AMOT: variants seen among roughly 807,000 people sequenced by gnomAD.
AMOT encodes the protein angiomotin.
Under a neutral mutation model 67.0 loss-of-function variants are expected in AMOT, and 11 were observed. That is an observed-to-expected ratio of 0.16 (90% CI 0.10 to 0.27). The LOEUF is 0.27. AMOT is among the 10% of genes least tolerant of loss of function. The probability of loss-of-function intolerance (pLI) is 1.00; values close to 1 mark genes in which losing one functional copy is unlikely to be tolerated. For missense variants in AMOT, 753 were observed against 852.0 expected, an observed-to-expected ratio of 0.88 and a Z score of 1.45; for synonymous variants, 326 against 321.4, an observed-to-expected ratio of 1.01 and a Z score of -0.15.
intron 10 of AMOT, among the ~76,000 whole-genome samples, chrX:112,785,463 G>A (rs1284869711): frequency 8.9e-6 from 1 of 111,848 alleles, no homozygotes; most frequent in Non-Finnish European, 1.9e-5. Context: ...GAAGTTCCTG[G>A]GAGGCTGGAG....
At position 112,793,181 on chromosome X, in the gene AMOT, G is replaced by A. The variant is rs1443445403; in HGVS notation, c.1777-1200C>T. 4.5e-5 allele frequency among the ~76,000 whole-genome samples: 5 copies of A among 110,605 alleles called. No individual in the cohort carries two copies. In the Admixed American group the frequency reaches 4.8e-4, roughly 11 times the overall value. On this transcript the variant is annotated intron_variant, in intron 8 of 13. Transcript: ENST00000371959. ...TCACATCTGTCATTATTCTTCTGAT[G>A]GAAGTTGATGTTAGGGATCAACATC...
intron 1 of AMOT, among the ~76,000 whole-genome samples, chrX:112,834,453 T>C (rs1300046075): frequency 8.9e-6 from 1 of 111,807 alleles, no homozygotes; most frequent in Non-Finnish European, 1.9e-5. Flanking sequence ...GGCACAGTTA[T>C]TGTGATCTGA....
chrX:112,790,556 T>C (rs758461090), intron 10 of AMOT, 36 bp downstream of exon 10: 9 of 1,141,961 alleles, frequency 7.9e-6, no homozygotes, highest in Middle Eastern at 2.5e-4. Flanking sequence ...GACCTTTCTG[T>C]TCTTCCCACT....
intron 8 of AMOT, among the ~76,000 whole-genome samples, chrX:112,797,610 G>A (rs1363720058): frequency 1.8e-5 from 2 of 111,464 alleles, no homozygotes; most frequent in East Asian, 2.8e-4. Flanking sequence ...GTGAAACGCC[G>A]TCTCTACTAA....
intron 1 of AMOT, among the ~76,000 whole-genome samples, chrX:112,837,810 C>T (rs1050440084): frequency 6.3e-5 from 7 of 111,799 alleles, no homozygotes; most frequent in Non-Finnish European, 7.5e-5. Context: ...CAATGGATCA[C>T]AATTCTAAAC....
At position 112,825,112 on chromosome X, in the gene AMOT, T is replaced by C. The variant is rs942473286; in HGVS notation, c.-103A>G. 1.8e-5 allele frequency: 2 copies of C among 110,959 alleles called. No individual in the cohort carries two copies. Among genetic ancestry groups the C allele is most frequent in the African/African-American group, 6.6e-5 (2 of 30,440 alleles). The allele number at this position is 110,959 out of a possible 1,213,427, so 9.1% of individuals were successfully genotyped here. A position where few individuals can be genotyped will look rare whatever the true frequency, so the allele number is the denominator to read the frequency against. On this transcript the variant is annotated 5_prime_UTR_variant, in exon 3 of 14. Transcript: ENST00000371959. ...TTTAGGCTTAAAGCCTTGATCAGGA[T>C]AGGGAATTCTTGCTTATGAGCAGCT...
At chrX:112,787,162 T>C (rs947513617) in intron 10 of AMOT, among the ~76,000 whole-genome samples, 3 of 112,247 alleles carry the variant, frequency 2.7e-5, no homozygotes, top group Non-Finnish European at 5.6e-5. Context: ...TGTATCATAA[T>C]ATCAAAGTGT....
intron 8 of AMOT, 49 bp downstream of exon 8, chrX:112,804,898 T>TTCCCCCCCCCCCCCCCCCC: frequency 2.4e-6 from 2 of 837,578 alleles, no homozygotes; most frequent in Non-Finnish European, 3.5e-6. Context: ...GTCCCCGATT[T>TTCCCCCCCCCCCCCCCCCC]CCCAGCCCTC....
At chrX:112,782,089 A>G (rs1933199185) in intron 11 of AMOT, among the ~76,000 whole-genome samples, 1 of 111,808 alleles carries the variant, frequency 8.9e-6, no homozygotes, top group African/African-American at 3.3e-5. Flanking sequence ...GGGTTTCACC[A>G]TATTGGCCAG....
intron 5 of AMOT, among the ~76,000 whole-genome samples, chrX:112,814,628 A>G (rs1190946173): frequency 8.9e-6 from 1 of 112,369 alleles, no homozygotes; most frequent in African/African-American, 3.2e-5. Context: ...CTCCAGAGGT[A>G]AAGTCCCAAT....
chrX:112,835,588 T>A (rs1355015751), intron 1 of AMOT, among the ~76,000 whole-genome samples: 1 of 9,668 alleles, frequency 1.0e-4, no homozygotes, highest in Non-Finnish European at 3.5e-4. Context: ...CATCAAATCT[T>A]TTTTTTTTTT....
chrX:112,779,420 G>A lies in AMOT; in HGVS notation c.2734C>T (p.Pro912Ser). The A allele has an allele frequency of 2.6e-6, 3 of 1,141,386 alleles. No individual in the cohort carries two copies. The highest frequency in any genetic ancestry group is 5.0e-5 in the Admixed American group (2 of 40,361). 94.1% of individuals were successfully genotyped at this position (1,141,386 alleles called of 1,213,427 possible). A position where few individuals can be genotyped will look rare whatever the true frequency, so the allele number is the denominator to read the frequency against. ...GCAGCAGCAGCAGCAACAGCAACTG[G>A]AGCAGCAGCTACCATGGTGGTGGTG... is the stretch of plus-strand genomic sequence containing the variant. ...TITTTMVAAA[P>S]VAVAAAAAPA... Residue 912 changes from proline (P) to serine (S), a missense_variant, in exon 13 of 14, where the codon CCA becomes TCA. Physicochemically the swap from Pro to Ser is moderately conservative, Grantham distance 74 (BLOSUM62 -1). Transcript: ENST00000371959.
intron 8 of AMOT, among the ~76,000 whole-genome samples, chrX:112,794,282 A>G (rs1320240166): frequency 8.9e-6 from 1 of 111,821 alleles, no homozygotes; most frequent in Non-Finnish European, 1.9e-5. Flanking sequence ...TGGAAGGGAA[A>G]TGCAATAAAG....
intron 4 of AMOT, 94 bp from the exon 5 acceptor site, chrX:112,815,971 C>T (rs1934545888): frequency 7.5e-6 from 8 of 1,065,966 alleles, no homozygotes; most frequent in Non-Finnish European, 7.4e-6. Flanking sequence ...GCTTCTGATG[C>T]CCCCAGGACA....
chrX:112,798,880 TC>T (rs1380008840), intron 8 of AMOT, among the ~76,000 whole-genome samples: 1 of 111,897 alleles, frequency 8.9e-6, no homozygotes, highest in African/African-American at 3.3e-5. Flanking sequence ...TTGAACCAGT[TC>T]CCAAGTATTT....
At chrX:112,812,794 A>C (rs1262653735) in intron 5 of AMOT, among the ~76,000 whole-genome samples, 1 of 112,158 alleles carries the variant, frequency 8.9e-6, no homozygotes, top group Non-Finnish European at 1.9e-5. Flanking sequence ...CACTAGGGGA[A>C]AGGTAAGGTT....
chrX:112,836,356 T>C (rs1049084463), intron 1 of AMOT, among the ~76,000 whole-genome samples: 14 of 112,059 alleles, frequency 1.2e-4, no homozygotes, highest in African/African-American at 4.5e-4. Flanking sequence ...AACTCCTGAA[T>C]CACAGAGAGT....
At chrX:112,825,705 A>T (rs1934825805) in intron 2 of AMOT, among the ~76,000 whole-genome samples, 1 of 110,856 alleles carries the variant, frequency 9.0e-6, no homozygotes, top group South Asian at 3.9e-4. Flanking sequence ...GAGTGCCTCA[A>T]GCTCAGATAG....
chrX:112,778,171 C>T lies in AMOT; in HGVS notation c.*396G>A, dbSNP rs1001311478. 1 of 116,567 alleles carries T rather than the reference C, an allele frequency of 8.6e-6. No individual in the cohort carries two copies. The highest frequency in any genetic ancestry group is 3.2e-5 in the African/African-American group (1 of 31,006). 9.6% of individuals were successfully genotyped at this position (116,567 alleles called of 1,213,427 possible). ...ACACACTCAATTCTCTCTAGCTTCC[C>T]ACTTCCAAACTACGTGTTATACACT... On this transcript the variant is annotated 3_prime_UTR_variant, in exon 14 of 14. Transcript: ENST00000371959.
Sources: allele counts gnomAD v4.1 joint callset (sites outside exome capture counted in the v4.1 genomes callset), GRCh38; gene constraint gnomAD v4.1.1; transcripts MANE v1.5; gene names NCBI Gene and HGNC (gene_info 2026-07-23, HGNC 2026-07-21).